DIAPH3: variants seen among roughly 807,000 people sequenced by gnomAD.
The protein encoded by DIAPH3 is diaphanous related formin 3, also known as protein diaphanous homolog 3.
A neutral mutation model predicts 144.3 loss-of-function variants in DIAPH3; 117 were observed. The observed-to-expected ratio is 0.81, with a 90% CI of 0.70 to 0.95. DIAPH3 has a LOEUF of 0.95. DIAPH3 is among the 40% of genes least tolerant of loss of function. The pLI, the probability that DIAPH3 is intolerant of heterozygous loss-of-function variation, is 0.00. For synonymous variants in DIAPH3, 519 were observed against 488.9 expected (o/e 1.06, Z -0.81); for missense variants, 1,421 against 1,412.7 (o/e 1.01, Z -0.09).
intron 27 of DIAPH3, among the ~76,000 whole-genome samples, chr13:59,689,340 G>C (rs2033386375): frequency 6.6e-6 from 1 of 151,894 alleles, no homozygotes; most frequent in Non-Finnish European, 1.5e-5. Flanking sequence ...CCACACAAGA[G>C]GAAGGAAGGA....
At chr13:59,824,539 T>C (rs1354728902) in intron 24 of DIAPH3, among the ~76,000 whole-genome samples, 1 of 152,140 alleles carries the variant, frequency 6.6e-6, no homozygotes, top group Non-Finnish European at 1.5e-5. Context: ...GTTTCATCAA[T>C]CACTTAAGAT....
At chr13:59,944,031 G>A (rs905922822) in intron 17 of DIAPH3, among the ~76,000 whole-genome samples, 2 of 152,020 alleles carry the variant, frequency 1.3e-5, no homozygotes, top group Admixed American at 1.3e-4. Context: ...GGGCAACATG[G>A]CAAGACCATG....
chr13:59,955,268 C>A (rs1049300352), intron 17 of DIAPH3, among the ~76,000 whole-genome samples: 1 of 151,814 alleles, frequency 6.6e-6, no homozygotes, highest in African/African-American at 2.4e-5. Context: ...TGGGAGGGAC[C>A]CAGTGGGAGG....
At chr13:59,995,493 G>A (rs557008501) in intron 9 of DIAPH3, among the ~76,000 whole-genome samples, 20 of 151,936 alleles carry the variant, frequency 1.3e-4, no homozygotes, top group African/African-American at 4.3e-4. Context: ...AGTTTACCCC[G>A]ATATTGGCTC....
At chr13:60,092,819 G>C (rs2137905732) in intron 4 of DIAPH3, among the ~76,000 whole-genome samples, 1 of 152,288 alleles carries the variant, frequency 6.6e-6, no homozygotes, top group Middle Eastern at 3.4e-3. Flanking sequence ...CAGTTAAGTG[G>C]AGTTAAAGTA....
intron 1 of DIAPH3, among the ~76,000 whole-genome samples, chr13:60,156,305 G>A (rs1378594834): frequency 6.6e-6 from 1 of 152,168 alleles, no homozygotes; most frequent in Non-Finnish European, 1.5e-5. Context: ...TCTGTGTAAA[G>A]TCCTTTAAAA....
At chr13:59,928,428 T>G (rs1410524479) in intron 17 of DIAPH3, among the ~76,000 whole-genome samples, 1 of 152,184 alleles carries the variant, frequency 6.6e-6, no homozygotes, top group Admixed American at 6.5e-5. Context: ...TATGTTCCTT[T>G]GAGGTATCAT....
intron 27 of DIAPH3, among the ~76,000 whole-genome samples, chr13:59,708,497 T>G (rs1157480688): frequency 6.6e-6 from 1 of 152,188 alleles, no homozygotes; most frequent in Non-Finnish European, 1.5e-5. Flanking sequence ...CTGACCTTAC[T>G]TGATTTCTCA....
intron 4 of DIAPH3, among the ~76,000 whole-genome samples, chr13:60,050,370 A>C (rs1279744351): frequency 6.6e-6 from 1 of 152,214 alleles, no homozygotes; most frequent in Non-Finnish European, 1.5e-5. Context: ...CTCAGTGAAC[A>C]CGACAAGAGT....
intron 23 of DIAPH3, among the ~76,000 whole-genome samples, chr13:59,836,939 T>C (rs2042072255): frequency 6.6e-6 from 1 of 152,008 alleles, no homozygotes; most frequent in Non-Finnish European, 1.5e-5. Flanking sequence ...CAATTTGCCA[T>C]TTTAATAAGA....
At chr13:60,031,083 G>T (rs191869065) in intron 5 of DIAPH3, among the ~76,000 whole-genome samples, 13 of 152,212 alleles carry the variant, frequency 8.5e-5, no homozygotes, top group Non-Finnish European at 1.6e-4. Context: ...TAATTGGCTC[G>T]CAGTTCTGCA....
chr13:59,839,167 C>T, intron 23 of DIAPH3, 157 bp downstream of exon 23: 3 of 704,866 alleles, frequency 4.3e-6, no homozygotes, highest in East Asian at 3.0e-5. Flanking sequence ...GATTGACAGA[C>T]ACTTTGATAA....
In DIAPH3 at chr13:60,015,977, T is replaced by A; in HGVS notation, c.707A>T (p.Glu236Val). The A allele has an allele frequency of 1.2e-6, 2 of 1,613,342 alleles. No homozygotes were observed. Among genetic ancestry groups the A allele is most frequent in the Non-Finnish European group, 1.7e-6 (2 of 1,179,598 alleles). ...ATGTTGATTTTTCTTTACAACTTTT[T>A]CTTGGCTGTATTGACATAAAAAATA... ...LEKLISGKIQ[E>V]KVVKKNQHKV... Residue 236 changes from glutamate (E) to valine (V), a missense_variant, in exon 7 of 28, where the codon GAA becomes GTA. By Grantham distance (121) the Glu-to-Val change is moderately radical. Coordinates refer to ENST00000400324, the MANE Select transcript of DIAPH3 (RefSeq NM_001042517.2).
intron 27 of DIAPH3, among the ~76,000 whole-genome samples, chr13:59,690,355 T>C (rs988752716): frequency 6.6e-6 from 1 of 152,172 alleles, no homozygotes; most frequent in Non-Finnish European, 1.5e-5. Flanking sequence ...GTTAAACAAT[T>C]TATAAAGCAA....
At chr13:60,138,729 A>G (rs1345490955) in intron 1 of DIAPH3, among the ~76,000 whole-genome samples, 1 of 144,386 alleles carries the variant, frequency 6.9e-6, no homozygotes, top group Non-Finnish European at 1.6e-5. Flanking sequence ...GACAAAATGA[A>G]TAAATCACAG....
chr13:59,958,867 C>CCT (rs1310336175), intron 17 of DIAPH3, among the ~76,000 whole-genome samples: 1 of 94,346 alleles, frequency 1.1e-5, no homozygotes, highest in Non-Finnish European at 2.0e-5. Flanking sequence ...CTTCAATAAA[C>CCT]TTTTTTTTTT....
Position 59,879,311 on chromosome 13 carries a change from A to AT in DIAPH3, c.2524_2525insA (p.Leu842HisfsTer22), listed in dbSNP as rs767103711. ...CATGTAGTTTCCCATTAGCAATACA[A>AT]GTTCCAGCAACTTGCTAAAGCTTTT... On this transcript the variant is annotated frameshift_variant, in exon 21 of 28. Coordinates refer to ENST00000400324, the MANE Select transcript of DIAPH3 (RefSeq NM_001042517.2). LOFTEE classifies it high-confidence loss of function. 6.2e-7 allele frequency: 1 copy of AT among 1,613,872 alleles called. No homozygotes were observed. The highest frequency in any genetic ancestry group is 2.2e-5 in the East Asian group (1 of 44,858).
chr13:59,857,538 T>C (rs898269596), intron 22 of DIAPH3, among the ~76,000 whole-genome samples: 5 of 152,032 alleles, frequency 3.3e-5, no homozygotes, highest in African/African-American at 1.2e-4. Flanking sequence ...ATGGCAAAAA[T>C]TAAAAATGAG....
intron 5 of DIAPH3, 54 bp downstream of exon 5, chr13:60,042,636 T>A: frequency 6.2e-7 from 1 of 1,608,704 alleles, no homozygotes; most frequent in Admixed American, 1.7e-5. Flanking sequence ...AGTATTAAAC[T>A]AAAAGAACAC....
Sources: allele counts gnomAD v4.1 joint callset (sites outside exome capture counted in the v4.1 genomes callset), GRCh38; gene constraint gnomAD v4.1.1; transcripts MANE v1.5; gene names NCBI Gene and HGNC (gene_info 2026-07-23, HGNC 2026-07-21).